The following MAST2 variants were observed in gnomAD, a reference collection of about 807,000 sequenced individuals.
MAST2 encodes microtubule associated serine/threonine kinase 2, also known as microtubule-associated serine/threonine-protein kinase 2.
In MAST2, 70 loss-of-function variants were observed where a neutral mutation model predicts 147.4. That is an observed-to-expected ratio of 0.47 (90% CI 0.39 to 0.58). MAST2 has a LOEUF of 0.58. Ranked by LOEUF, MAST2 falls within the 20% of genes least tolerant of loss-of-function variation. The probability of loss-of-function intolerance (pLI) is 0.00; values close to 1 mark genes in which losing one functional copy is unlikely to be tolerated. For missense variants in MAST2, 2,080 were observed against 2,302.3 expected (o/e 0.90, Z 1.98); for synonymous variants, 869 against 896.8 (o/e 0.97, Z 0.55).
intron 3 of MAST2, among the ~76,000 whole-genome samples, chr1:45,874,903 G>A (rs1162491141): frequency 6.6e-6 from 1 of 152,216 alleles, no homozygotes; most frequent in Non-Finnish European, 1.5e-5. Flanking sequence ...CGAAGTTTAA[G>A]CTGAAGTCCA....
chr1:45,976,178 T>C (rs969136224), intron 5 of MAST2, among the ~76,000 whole-genome samples: 15 of 152,090 alleles, frequency 9.9e-5, no homozygotes, highest in African/African-American at 3.6e-4. Flanking sequence ...GGTATCACCA[T>C]GTTGGCCAGG....
chr1:46,021,849 A>G, intron 11 of MAST2, 101 bp from the exon 12 acceptor site: 2 of 1,129,238 alleles, frequency 1.8e-6, no homozygotes, highest in Non-Finnish European at 2.6e-6. Context: ...ATCACAGAGA[A>G]AGTCTTGTTC....
chr1:46,000,895 TTCAAAAAGA>T lies in MAST2; in HGVS notation c.669-1906_669-1898del. 2.5e-6 allele frequency: 3 copies of T among 1,196,316 alleles called. No individual in the cohort carries two copies. The South Asian group carries it at 3.8e-5, about 15-fold the overall frequency. 74.1% of individuals were successfully genotyped at this position (1,196,316 alleles called of 1,614,324 possible). On this transcript the variant is annotated intron_variant, in intron 6 of 28. Transcript: ENST00000361297. ...TGCCAAGCTAGACCAAATACCAAGATTCAAAAAGATCACTCTCTCTGGTTCCTTTGGTTC... is the reference window on the plus strand; with the variant it reads ...TGCCAAGCTAGACCAAATACCAAGATTCACTCTCTCTGGTTCCTTTGGTTC...
chr1:45,870,533 A>T (rs1005688018), intron 3 of MAST2, among the ~76,000 whole-genome samples: 24 of 148,910 alleles, frequency 1.6e-4, no homozygotes, highest in African/African-American at 5.4e-4. Context: ...TATATATATA[A>T]AATTTTTGTT....
intron 3 of MAST2, among the ~76,000 whole-genome samples, chr1:45,849,380 G>A (rs1013628161): frequency 4.6e-5 from 7 of 151,952 alleles, no homozygotes; most frequent in African/African-American, 1.7e-4. Context: ...GGTACAAAAG[G>A]CACATAGATC....
chr1:45,976,134 C>A (rs1020357463), intron 5 of MAST2, among the ~76,000 whole-genome samples: 1 of 152,116 alleles, frequency 6.6e-6, no homozygotes. Flanking sequence ...ACCACCACAC[C>A]CAGCAAATTT....
At chr1:45,928,819 A>C (rs1315410995) in intron 4 of MAST2, among the ~76,000 whole-genome samples, 1 of 151,562 alleles carries the variant, frequency 6.6e-6, no homozygotes, top group East Asian at 1.9e-4. Flanking sequence ...ATTTTAATCT[A>C]GGGTGTTCTC....
chr1:45,808,424 G>T (rs1644201549), intron 1 of MAST2, among the ~76,000 whole-genome samples: 1 of 151,978 alleles, frequency 6.6e-6, no homozygotes, highest in African/African-American at 2.4e-5. Context: ...GCCCAGGCTG[G>T]TCTCGAACTC....
intron 3 of MAST2, among the ~76,000 whole-genome samples, chr1:45,850,519 T>G (rs1424134521): frequency 6.6e-6 from 1 of 151,600 alleles, no homozygotes. Flanking sequence ...TTTCCCAAGG[T>G]CAGTGTCTGG....
chr1:45,863,333 C>T (rs1268841817), intron 3 of MAST2, among the ~76,000 whole-genome samples: 1 of 152,156 alleles, frequency 6.6e-6, no homozygotes, highest in African/African-American at 2.4e-5. Context: ...GTACAGCATA[C>T]CCTATGCAAA....
intron 3 of MAST2, among the ~76,000 whole-genome samples, chr1:45,874,046 C>T (rs950175155): frequency 2.0e-5 from 3 of 152,154 alleles, no homozygotes; most frequent in African/African-American, 7.2e-5. Flanking sequence ...GTCTCGAACT[C>T]CTGAGCTCAA....
At chr1:45,863,803 G>A (rs4233499) in intron 3 of MAST2, among the ~76,000 whole-genome samples, 152,123 of 152,360 alleles carry the variant, frequency 1, 75,947 homozygotes, top group Non-Finnish European at 1. Flanking sequence ...ATTTGGATTC[G>A]TGTCTCCTGA....
At chr1:45,811,712 C>T (rs1184154937) in intron 1 of MAST2, among the ~76,000 whole-genome samples, 172 of 148,810 alleles carry the variant, frequency 1.2e-3, no homozygotes, top group Non-Finnish European at 2.0e-3. Flanking sequence ...TGGCTCACTG[C>T]AAGCTCTGCC....
intron 17 of MAST2, 52 bp downstream of exon 17, chr1:46,027,915 GGCGCAGTGTCTTAC>G (rs1190409470): frequency 1.2e-6 from 2 of 1,604,274 alleles, no homozygotes; most frequent in Non-Finnish European, 8.5e-7. Context: ...CCCTTGTCCT[GGCGCAGTGTCTTAC>G]GCCCGTAATC....
At chr1:45,947,306 T>TAAA (rs55827908) in intron 4 of MAST2, among the ~76,000 whole-genome samples, 1 of 112,670 alleles carries the variant, frequency 8.9e-6, no homozygotes, top group African/African-American at 3.4e-5. Flanking sequence ...TGATGAGCTT[T>TAAA]AAAAAAAAAA....
At chr1:46,029,046 T>C (rs1646529283) in intron 18 of MAST2, 113 bp downstream of exon 18, 1 of 1,195,698 alleles carries the variant, frequency 8.4e-7, no homozygotes, top group Admixed American at 2.5e-5. Context: ...ATCATGTGTG[T>C]TTGTGATGTC....
intron 3 of MAST2, among the ~76,000 whole-genome samples, chr1:45,845,921 C>A (rs1045856009): frequency 1.4e-4 from 21 of 152,196 alleles, no homozygotes; most frequent in African/African-American, 4.3e-4. Context: ...CCACCATGCC[C>A]GGCTAGTTTT....
intron 4 of MAST2, among the ~76,000 whole-genome samples, chr1:45,919,538 C>G (rs191074962): frequency 6.6e-6 from 1 of 152,288 alleles, no homozygotes. Flanking sequence ...GATACAGGAG[C>G]TTAAATTCCA....
chr1:45,870,514 TTATATA>T (rs35057731), intron 3 of MAST2, among the ~76,000 whole-genome samples: 6 of 148,006 alleles, frequency 4.1e-5, no homozygotes, highest in South Asian at 2.1e-4. Context: ...ATCAATTTGT[TTATATA>T]TATATATATA....
Sources: gnomAD v4.1 joint callset for allele counts (sites outside exome capture counted in the v4.1 genomes callset) on GRCh38, gnomAD v4.1.1 for gene constraint, MANE v1.5 for transcripts, NCBI Gene and HGNC (gene_info 2026-07-23, HGNC 2026-07-21) for gene names.